ARRB1: variants seen among roughly 807,000 people sequenced by gnomAD.
The protein encoded by ARRB1 is beta-arrestin-1.
In ARRB1, 21 loss-of-function variants were observed where a neutral mutation model predicts 56.8. That is an observed-to-expected ratio of 0.37 (90% confidence interval 0.26 to 0.53). The LOEUF is 0.53. Among genes scored for constraint, ARRB1 ranks in the 20% least tolerant of loss-of-function variants. The pLI, the probability that ARRB1 is intolerant of heterozygous loss-of-function variation, is 0.88. For synonymous variants in ARRB1, 210 were observed against 218.6 expected (o/e 0.96, Z 0.35); for missense variants, 424 against 553.7 (o/e 0.77, Z 2.35).
chr11:75,340,489 T>C (rs1466951238), intron 1 of ARRB1, among the ~76,000 whole-genome samples: 2 of 152,236 alleles, frequency 1.3e-5, no homozygotes, highest in African/African-American at 2.4e-5. Flanking sequence ...TGCTCAGTTA[T>C]GTAACCAGCT....
At chr11:75,312,288 A>G (rs1323302612) in intron 1 of ARRB1, 2 of 567,856 alleles carry the variant, frequency 3.5e-6, no homozygotes, top group Non-Finnish European at 5.7e-6. Context: ...CGTCAGGGAC[A>G]GGGCTCAAGT....
At position 75,266,247 on chromosome 11, in the gene ARRB1, A is replaced by C. The variant is rs1031392816; in HGVS notation, c.1173T>G (p.Phe391Leu). The C allele has an allele frequency of 6.8e-6, 11 of 1,614,226 alleles. No individual in the cohort carries two copies. Among genetic ancestry groups the C allele is most frequent in the Non-Finnish European group, 9.3e-6 (11 of 1,180,042 alleles). The change falls in exon 16 of 16, where the codon TTT becomes TTG. Residue 391 changes from phenylalanine (F) to leucine (L), a missense_variant. By Grantham distance (22) the Phe-to-Leu change is conservative. Around this residue, in one of 3 missense-constraint regions of ARRB1, gnomAD observed 121 missense variants for 147.3 expected, o/e 0.82. Transcript: ENST00000420843. ...TNDDDIVFED[F>L]ARQRLKGMKD... ...TCATGCCTTTCAGTCTCTGGCGAGC[A>C]AAGTCCTCAAATACAATGTCGTCAT... is the stretch of plus-strand genomic sequence containing the variant.
rs112780684 is a variant in ARRB1, at chr11:75,347,086, C to T, written c.20+4502G>A. On this transcript the variant is annotated intron_variant, in intron 1 of 15. Transcript: ENST00000420843. The stretch of plus-strand genomic sequence containing the variant: ...CCACCAACCCAAAGTGTCAGAAGCC[C>T]TGGAAGTGGCAAGCCCACAACTCAG... Among the ~76,000 whole-genome samples the T allele has an allele frequency of 2.5e-3, 380 of 152,376 alleles. 1 individual carries two copies. The highest frequency in any genetic ancestry group is 8.4e-3 in the African/African-American group (351 of 41,588).
intron 10 of ARRB1, among the ~76,000 whole-genome samples, chr11:75,275,474 T>C (rs2140411286): frequency 6.6e-6 from 1 of 152,302 alleles, no homozygotes; most frequent in East Asian, 1.9e-4. Flanking sequence ...GAAAAAATTA[T>C]AGCTACACAT....
intron 1 of ARRB1, among the ~76,000 whole-genome samples, chr11:75,323,385 G>A (rs961050355): frequency 1.3e-5 from 2 of 152,216 alleles, no homozygotes; most frequent in African/African-American, 2.4e-5. Context: ...TTGGGAGGCC[G>A]AGGCGGGTGG....
In ARRB1 at chr11:75,284,600, C is replaced by T. The variant is rs546829415; in HGVS notation, c.113-321G>A. Among the ~76,000 whole-genome samples the T allele has an allele frequency of 4.7e-4, 72 of 152,206 alleles. No individual in the cohort carries two copies. In the South Asian group the frequency reaches 0.013, roughly 28 times the overall value. Reference sequence around the variant, plus strand: ...GGTATTCTTTGGAATTTAGAAATTGCGAAGTATAGAGAGGCAAAATGGGCC... The same window carrying T: ...GGTATTCTTTGGAATTTAGAAATTGTGAAGTATAGAGAGGCAAAATGGGCC... On this transcript the variant is annotated intron_variant, in intron 3 of 15. Transcript: ENST00000420843.
chr11:75,309,038 G>C (rs1372687904), intron 1 of ARRB1, among the ~76,000 whole-genome samples: 1 of 152,262 alleles, frequency 6.6e-6, no homozygotes, highest in Non-Finnish European at 1.5e-5. Context: ...CTAGGGAGGG[G>C]AAGAGAAAAG....
intron 1 of ARRB1, among the ~76,000 whole-genome samples, chr11:75,298,692 C>T (rs1185032300): frequency 6.6e-6 from 1 of 151,418 alleles, no homozygotes; most frequent in African/African-American, 2.4e-5. Context: ...GGGTATACAC[C>T]CAAAGTAACT....
intron 1 of ARRB1, among the ~76,000 whole-genome samples, chr11:75,346,254 C>T (rs1947764317): frequency 6.6e-6 from 1 of 152,180 alleles, no homozygotes; most frequent in Non-Finnish European, 1.5e-5. Flanking sequence ...AGTCCCCCAC[C>T]TGAGTCAGAA....
chr11:75,334,505 T>C (rs1192338522), intron 1 of ARRB1, among the ~76,000 whole-genome samples: 2 of 152,182 alleles, frequency 1.3e-5, no homozygotes, highest in Admixed American at 1.3e-4. Flanking sequence ...ACTATCCCAA[T>C]GAAAGGCATG....
At position 75,278,606 on chromosome 11, in the gene ARRB1, T is replaced by C; in HGVS notation, c.618+3A>G. The C allele has an allele frequency of 6.2e-7, 1 of 1,614,030 alleles. No individual in the cohort carries two copies. Among genetic ancestry groups the C allele is most frequent in the Non-Finnish European group, 8.5e-7 (1 of 1,179,928 alleles). On this transcript the variant is annotated splice_donor_region_variant and intron_variant, in intron 8 of 15. Coordinates refer to ENST00000420843, the MANE Select transcript of ARRB1 (RefSeq NM_004041.5). ...CACCCCCTGCCAAGTCCGAGCCTCC[T>C]ACCTCCTTATCCAGAGAGGCTTCTA...
rs75603766 is a variant in ARRB1, at chr11:75,301,601, G to C, written c.21-11562C>G. On this transcript the variant is annotated intron_variant, in intron 1 of 15. Coordinates refer to ENST00000420843, the MANE Select transcript of ARRB1 (RefSeq NM_004041.5). ...TCCAATAGCAGCCATGGCTCAGCTG[G>C]GTAGGGTGGGGAGACGCAAGGGGGC... 5.8e-3 allele frequency among the ~76,000 whole-genome samples: 876 copies of C among 152,272 alleles called. 4 individuals carry two copies. Among genetic ancestry groups the C allele is most frequent in the African/African-American group, 0.02 (825 of 41,562 alleles).
At chr11:75,287,471 CCA>C in intron 2 of ARRB1, 96 bp from the exon 3 acceptor site, 12 of 1,244,004 alleles carry the variant, frequency 9.6e-6, no homozygotes, top group Non-Finnish European at 1.4e-5. Flanking sequence ...CTCTGAAACT[CCA>C]GACCCATCCC....
chr11:75,274,516 G>A lies in ARRB1; in HGVS notation c.777-305C>T, dbSNP rs113136204. The A allele has an allele frequency of 4.2e-5, 11 of 262,378 alleles. No individual in the cohort carries two copies. In the East Asian group the frequency reaches 8.5e-4, roughly 20 times the overall value. 16.3% of individuals were successfully genotyped at this position (262,378 alleles called of 1,614,324 possible). A position where few individuals can be genotyped will look rare whatever the true frequency, so the allele number is the denominator to read the frequency against. ...TATTTAAAGAATTACAGCCAGCCGG[G>A]TGCAGTGGCTCACGCCTGTAATCCC... On this transcript the variant is annotated intron_variant, in intron 10 of 15. Transcript: ENST00000420843.
At chr11:75,286,255 C>CTTTT (rs60988072) in intron 3 of ARRB1, among the ~76,000 whole-genome samples, 8 of 38,736 alleles carry the variant, frequency 2.1e-4, no homozygotes, top group African/African-American at 6.5e-4. Flanking sequence ...ATTTGCTCAT[C>CTTTT]TTTTTTTTTT....
At position 75,349,869 on chromosome 11, in the gene ARRB1, G is replaced by A. The variant is rs187028198; in HGVS notation, c.20+1719C>T. 7.0e-3 allele frequency among the ~76,000 whole-genome samples: 1,060 copies of A among 152,362 alleles called. 28 individuals carry two copies. Among genetic ancestry groups the A allele is most frequent in the Non-Finnish European group, 3.3e-3 (222 of 68,034 alleles). Reference sequence around the variant, plus strand: ...AGCCTGGGCCTCCAGCACAGAGCAGGGCTCCCCTCCCTGGCCCATGAGGGG... The same window carrying A: ...AGCCTGGGCCTCCAGCACAGAGCAGAGCTCCCCTCCCTGGCCCATGAGGGG... On this transcript the variant is annotated intron_variant, in intron 1 of 15. Transcript: ENST00000420843.
intron 2 of ARRB1, among the ~76,000 whole-genome samples, chr11:75,289,336 C>A (rs1389492413): frequency 6.6e-6 from 1 of 152,202 alleles, no homozygotes; most frequent in East Asian, 1.9e-4. Context: ...AAATGCATCC[C>A]TCCTAGAAGC....
chr11:75,303,557 T>A (rs1485814280), intron 1 of ARRB1: 4 of 456,072 alleles, frequency 8.8e-6, no homozygotes, highest in Non-Finnish European at 1.8e-5. Flanking sequence ...TTTCTTTTCT[T>A]CCCTTTATTT....
chr11:75,351,380 C>G (rs537680620), intron 1 of ARRB1, among the ~76,000 whole-genome samples: 1 of 152,244 alleles, frequency 6.6e-6, no homozygotes, highest in Non-Finnish European at 1.5e-5. Flanking sequence ...CTGCGGCCCA[C>G]ATGGGGCGGC....
Sources: gnomAD v4.1 joint callset for allele counts (sites outside exome capture counted in the v4.1 genomes callset) on GRCh38, gnomAD v4.1.1 for gene constraint, gnomAD v4.1.1 regional missense constraint, MANE v1.5 for transcripts, NCBI Gene and HGNC (gene_info 2026-07-23, HGNC 2026-07-21) for gene names.